Variants in CACNB2 observed in about 807,000 individuals in gnomAD.
CACNB2 encodes calcium voltage-gated channel auxiliary subunit beta 2.
A neutral mutation model predicts 73.3 loss-of-function variants in CACNB2; 42 were observed. The ratio of observed to expected loss-of-function variants is 0.57; its 90% CI spans 0.45 to 0.74. The LOEUF (loss-of-function observed/expected upper bound fraction) is 0.74, where lower values mean the gene tolerates loss of function less well. CACNB2 is among the 30% of genes least tolerant of loss of function. The probability of loss-of-function intolerance (pLI) is 0.00; values close to 1 mark genes in which losing one functional copy is unlikely to be tolerated. For synonymous variants in CACNB2, 348 were observed against 310.3 expected, an observed-to-expected ratio of 1.12 and a Z score of -1.28; for missense variants, 940 against 853.0, an observed-to-expected ratio of 1.10 and a Z score of -1.27.
intron 6 of CACNB2, 66 bp from the exon 7 acceptor site, chr10:18,514,170 T>C (rs2051048809): frequency 1.3e-6 from 2 of 1,558,504 alleles, no homozygotes; most frequent in East Asian, 4.5e-5. Flanking sequence ...TTTGCTTTCA[T>C]TTTATTTTCT....
At chr10:18,514,899 A>G in intron 7 of CACNB2, 1 of 901,748 alleles carries the variant, frequency 1.1e-6, no homozygotes, top group East Asian at 2.5e-5. Context: ...CTGACTTATG[A>G]TATCCAGATA....
Position 18,371,778 on chromosome 10 carries a change from G to A in CACNB2, c.214-30146G>A, listed in dbSNP as rs533184894. On this transcript the variant is annotated intron_variant, in intron 2 of 13. Coordinates refer to ENST00000324631, the MANE Select transcript of CACNB2 (RefSeq NM_201596.3). ...TTCTAGATCCCTGAGGAATCACCACGCTGACTTCCATAATGGTTGAACTAG... is the reference window on the plus strand; with the variant it reads ...TTCTAGATCCCTGAGGAATCACCACACTGACTTCCATAATGGTTGAACTAG... 9.9e-5 allele frequency among the ~76,000 whole-genome samples: 15 copies of A among 152,226 alleles called. 1 individual carries two copies. Among genetic ancestry groups the A allele is most frequent in the South Asian group, 6.2e-4 (3 of 4,820 alleles).
rs574986465 is a variant in CACNB2 at position 18,296,494 on chromosome 10, AT to A, written c.214-105422del. Among the ~76,000 whole-genome samples, 254 of 152,040 alleles carry A rather than the reference AT, an allele frequency of 1.7e-3. 2 individuals are homozygous for A. Among genetic ancestry groups the A allele is most frequent in the Non-Finnish European group, 1.1e-3 (73 of 67,964 alleles). On this transcript the variant is annotated intron_variant, in intron 2 of 13. Coordinates refer to ENST00000324631, the MANE Select transcript of CACNB2 (RefSeq NM_201596.3). ...AATAAATTAATAAGCATATAGATAT[AT>A]TTTTTTTAATAGATAACTCTATGTC...
At chr10:18,179,813 A>C (rs1001261722) in intron 2 of CACNB2, among the ~76,000 whole-genome samples, 9 of 152,176 alleles carry the variant, frequency 5.9e-5, no homozygotes, top group African/African-American at 1.7e-4. Flanking sequence ...AAGTCACTCA[A>C]ACTAAATTTC....
At chr10:18,459,921 C>T (rs117586854) in intron 3 of CACNB2, among the ~76,000 whole-genome samples, 4,552 of 152,146 alleles carry the variant, frequency 0.03, 101 homozygotes, top group East Asian at 0.11. Flanking sequence ...TTACTTGAAC[C>T]CAGGAGGCCG....
At chr10:18,344,102 G>A (rs992388817) in intron 2 of CACNB2, among the ~76,000 whole-genome samples, 6 of 150,514 alleles carry the variant, frequency 4.0e-5, no homozygotes, top group South Asian at 2.1e-4. Flanking sequence ...GCATGTGACT[G>A]TGTATTCCTG....
chr10:18,225,975 G>A (rs2035976415), intron 2 of CACNB2, among the ~76,000 whole-genome samples: 1 of 151,830 alleles, frequency 6.6e-6, no homozygotes, highest in Non-Finnish European at 1.5e-5. Context: ...TCTTAGTGGA[G>A]GGCAGGCTAG....
chr10:18,357,979 A>G (rs1168031773), intron 2 of CACNB2, among the ~76,000 whole-genome samples: 1 of 152,214 alleles, frequency 6.6e-6, no homozygotes, highest in Non-Finnish European at 1.5e-5. Flanking sequence ...ACAAGCCTCA[A>G]CATCCAGCAC....
chr10:18,216,944 T>C (rs910690125), intron 2 of CACNB2, among the ~76,000 whole-genome samples: 26 of 152,246 alleles, frequency 1.7e-4, no homozygotes, highest in African/African-American at 6.0e-4. Flanking sequence ...TTCATTTATT[T>C]GGGTCAAGTT....
chr10:18,181,065 G>GAAAAA (rs34924301), intron 2 of CACNB2, among the ~76,000 whole-genome samples: 8,527 of 117,514 alleles, frequency 0.073, 499 homozygotes, highest in African/African-American at 0.18. Context: ...AGCCAAAATA[G>GAAAAA]AAAAAAAAAA....
intron 2 of CACNB2, among the ~76,000 whole-genome samples, chr10:18,300,916 A>C (rs1334663907): frequency 2.0e-5 from 3 of 152,208 alleles, no homozygotes; most frequent in African/African-American, 7.2e-5. Flanking sequence ...AAAAAAAGTA[A>C]CAGAATATTC....
chr10:18,537,097 C>T (rs2053676947), intron 12 of CACNB2, among the ~76,000 whole-genome samples: 1 of 152,088 alleles, frequency 6.6e-6, no homozygotes, highest in South Asian at 2.1e-4. Flanking sequence ...AAGTAATCCT[C>T]CCACCTCGGC....
At chr10:18,538,491 G>T in intron 13 of CACNB2, 126 bp downstream of exon 13, 2 of 761,910 alleles carry the variant, frequency 2.6e-6, no homozygotes, top group Non-Finnish European at 4.5e-6. Flanking sequence ...TTAACTCAAA[G>T]CAAGTCCAGC....
chr10:18,309,221 G>A (rs1000364494), intron 2 of CACNB2, among the ~76,000 whole-genome samples: 1 of 152,134 alleles, frequency 6.6e-6, no homozygotes, highest in African/African-American at 2.4e-5. Context: ...AGTGACTCTT[G>A]TATTTATGAC....
At chr10:18,219,889 C>G (rs2035662511) in intron 2 of CACNB2, among the ~76,000 whole-genome samples, 1 of 150,826 alleles carries the variant, frequency 6.6e-6, no homozygotes, top group African/African-American at 2.4e-5. Flanking sequence ...CCGCCTCAAG[C>G]TTCCCGAGTA....
chr10:18,386,034 T>G (rs1487193441), intron 2 of CACNB2, among the ~76,000 whole-genome samples: 1 of 152,346 alleles, frequency 6.6e-6, no homozygotes. Flanking sequence ...TCAGTTTTGA[T>G]AAATTCTACC....
At chr10:18,157,837 A>G (rs768407477) in intron 2 of CACNB2, among the ~76,000 whole-genome samples, 1 of 152,250 alleles carries the variant, frequency 6.6e-6, no homozygotes, top group Non-Finnish European at 1.5e-5. Flanking sequence ...GAAAGATAAA[A>G]GTTAGTCTTC....
chr10:18,372,052 T>C (rs2042609020), intron 2 of CACNB2, among the ~76,000 whole-genome samples: 3 of 152,180 alleles, frequency 2.0e-5, no homozygotes, highest in Admixed American at 2.0e-4. Context: ...ATGGGGTTGT[T>C]TGTTTTTTTC....
intron 2 of CACNB2, among the ~76,000 whole-genome samples, chr10:18,243,180 A>T (rs995005721): frequency 6.6e-6 from 1 of 152,136 alleles, no homozygotes; most frequent in Admixed American, 6.5e-5. Flanking sequence ...ACTATTTTAG[A>T]ATCTACAGGA....
Sources: gnomAD v4.1 joint callset for allele counts (sites outside exome capture counted in the v4.1 genomes callset) on GRCh38, gnomAD v4.1.1 for gene constraint, MANE v1.5 for transcripts, NCBI Gene and HGNC (gene_info 2026-07-23, HGNC 2026-07-21) for gene names.